LINS1: variants seen among roughly 807,000 people sequenced by gnomAD.
LINS1 encodes protein Lines homolog 1.
In LINS1, 27 loss-of-function variants were observed where a neutral mutation model predicts 41.6. That is an observed-to-expected ratio of 0.65 (90% CI 0.48 to 0.89). The LOEUF (loss-of-function observed/expected upper bound fraction) is 0.89. Ranked by LOEUF, LINS1 falls within the 40% of genes least tolerant of loss-of-function variation. The pLI is 0.00. For missense variants in LINS1, 955 were observed against 884.1 expected, an observed-to-expected ratio of 1.08 and a Z score of -1.02; for synonymous variants, 336 against 312.9, an observed-to-expected ratio of 1.07 and a Z score of -0.78.
chr15:100,590,990 C>T (rs1215225095), intron 1 of LINS1, among the ~76,000 whole-genome samples: 1 of 152,004 alleles, frequency 6.6e-6, no homozygotes. Context: ...ACCAGCCTGG[C>T]CAACATGATA....
intron 1 of LINS1, among the ~76,000 whole-genome samples, chr15:100,598,426 G>A (rs1422806645): frequency 6.6e-6 from 1 of 152,128 alleles, no homozygotes; most frequent in African/African-American, 2.4e-5. Context: ...TAGTATCAAA[G>A]AATTATAAAC....
At position 100,569,769 on chromosome 15, in the gene LINS1, A is replaced by G. The variant is rs1445068661; in HGVS notation, c.1743T>C (p.His581=). The part of the protein sequence containing the change: ...QTIPHRLTAP[H]SHRDVCARHS... ...GCCGAGCACACACATCTCTGTGACT[A>G]TGAGGAGCAGTCAAACGATGGGGTA... The change falls in exon 7 of 7, where the codon CAT becomes CAC. Residue 581 remains histidine (H), a synonymous_variant. Coordinates refer to ENST00000314742, the MANE Select transcript of LINS1 (RefSeq NM_001040616.3). 3.1e-6 allele frequency: 5 copies of G among 1,613,852 alleles called. No individual in the cohort carries two copies. Among genetic ancestry groups the G allele is most frequent in the Non-Finnish European group, 4.2e-6 (5 of 1,179,944 alleles).
chr15:100,584,649 C>T (rs535248505), intron 1 of LINS1, among the ~76,000 whole-genome samples: 17 of 152,226 alleles, frequency 1.1e-4, no homozygotes, highest in African/African-American at 3.9e-4. Context: ...ATGCTTCTGA[C>T]CATAGATATG....
chr15:100,573,097 T>C (rs1431920378), intron 5 of LINS1: 1 of 148,212 alleles, frequency 6.7e-6, no homozygotes, highest in East Asian at 2.0e-4. Flanking sequence ...CATATTTTTC[T>C]TTAATCTCTC....
chr15:100,599,517 CTG>C (rs1212866353), intron 1 of LINS1, among the ~76,000 whole-genome samples: 2 of 152,196 alleles, frequency 1.3e-5, no homozygotes, highest in Non-Finnish European at 2.9e-5. Context: ...GGAGACAACT[CTG>C]TTTCTAGGCT....
At chr15:100,573,601 A>G in intron 5 of LINS1, 50 bp downstream of exon 5, 1 of 1,110,856 alleles carries the variant, frequency 9.0e-7, no homozygotes, top group Non-Finnish European at 1.4e-6. Context: ...GAATTACTGT[A>G]CTTAAGTAAA....
Position 100,580,608 on chromosome 15 carries a change from T to G in LINS1, c.235A>C (p.Asn79His). The G allele has an allele frequency of 6.2e-7, 1 of 1,614,036 alleles. No individual in the cohort carries two copies. The highest frequency in any genetic ancestry group is 1.1e-5 in the South Asian group (1 of 91,078). Residue 79 changes from asparagine to histidine, a missense_variant, in exon 2 of 7, where the codon AAC becomes CAC. Transcript: ENST00000314742. ...TCTCTGGAACCGCTCATCTGAGAGTTGGTCTTCAAACACACAGGTGCTACA... is the reference window on the plus strand; with the variant it reads ...TCTCTGGAACCGCTCATCTGAGAGTGGGTCTTCAAACACACAGGTGCTACA... ...IAVAPVCLKT[N>H]SQMSGSREVM... is the part of the protein sequence containing the mutation.
chr15:100,579,992 G>A (rs1432177567), intron 3 of LINS1, among the ~76,000 whole-genome samples: 1 of 152,110 alleles, frequency 6.6e-6, no homozygotes, highest in Non-Finnish European at 1.5e-5. Flanking sequence ...ATGTTATTAT[G>A]TGAGCAAATG....
chr15:100,580,819 T>G lies in LINS1; in HGVS notation c.24A>C (p.Leu8Phe), dbSNP rs2038506060. The change falls in exon 2 of 7, where the codon TTA (leucine) becomes TTC (phenylalanine). Residue 8 changes from leucine (L) to phenylalanine (F), a missense_variant. Physicochemically the swap from Leu to Phe is conservative, Grantham distance 22. Transcript: ENST00000314742. Reference protein sequence around the residue: MKVFCEVLEELYKKVLLG... With the variant: MKVFCEVFEELYKKVLLG... ...GAAGTACCTTCTTGTATAACTCTTC[T>G]AAAACTTCACAGAAAACTTTCATTT... is the stretch of plus-strand genomic sequence containing the variant. 4 of 1,612,708 alleles carry G rather than the reference T, an allele frequency of 2.5e-6. No homozygotes were observed. The highest frequency in any genetic ancestry group is 3.4e-6 in the Non-Finnish European group (4 of 1,179,312).
intron 1 of LINS1, among the ~76,000 whole-genome samples, chr15:100,581,173 C>T (rs184703468): frequency 2.3e-4 from 35 of 152,292 alleles, no homozygotes; most frequent in African/African-American, 7.2e-4. Context: ...TTTAACGCAG[C>T]AGAAACTTGA....
chr15:100,596,090 G>A (rs1320065423), intron 1 of LINS1, among the ~76,000 whole-genome samples: 11 of 152,240 alleles, frequency 7.2e-5, no homozygotes, highest in Admixed American at 7.2e-4. Context: ...GAGATTTGGA[G>A]TGGGAGGGGC....
At chr15:100,595,117 A>C (rs2039190898) in intron 1 of LINS1, among the ~76,000 whole-genome samples, 1 of 152,190 alleles carries the variant, frequency 6.6e-6, no homozygotes, top group Non-Finnish European at 1.5e-5. Flanking sequence ...TGTAGGAAAA[A>C]TCTTAGGCAT....
At chr15:100,582,103 A>G (rs948856624) in intron 1 of LINS1, among the ~76,000 whole-genome samples, 5 of 152,244 alleles carry the variant, frequency 3.3e-5, no homozygotes, top group Admixed American at 2.6e-4. Flanking sequence ...TTCCATCTAC[A>G]ATATGGCCAC....
At position 100,580,605 on chromosome 15, in the gene LINS1, A is replaced by G. The variant is rs2038484541; in HGVS notation, c.238T>C (p.Ser80Pro). Residue 80 changes from serine to proline, a missense_variant, in exon 2 of 7, where the codon TCT (serine) becomes CCT (proline). Coordinates refer to ENST00000314742, the MANE Select transcript of LINS1 (RefSeq NM_001040616.3). ...AVAPVCLKTNSQMSGSREVML... is the reference protein window; with the variant it reads ...AVAPVCLKTNPQMSGSREVML... ...ACTTCTCTGGAACCGCTCATCTGAG[A>G]GTTGGTCTTCAAACACACAGGTGCT... The G allele has an allele frequency of 6.2e-7, 1 of 1,613,988 alleles. No individual in the cohort carries two copies. The highest frequency in any genetic ancestry group is 8.5e-7 in the Non-Finnish European group (1 of 1,179,954).
rs193139512 is a variant in LINS1, at chr15:100,593,331, C to T, written c.-104+8790G>A. Among the ~76,000 whole-genome samples the T allele has an allele frequency of 2.6e-5, 4 of 152,164 alleles. No homozygotes were observed. In the East Asian group the frequency reaches 7.7e-4, roughly 29 times the overall value. On this transcript the variant is annotated intron_variant, in intron 1 of 6. Coordinates refer to ENST00000314742, the MANE Select transcript of LINS1 (RefSeq NM_001040616.3). ...CCACACCAAGTGGCCTAAGGGTTACCCATATTAAGTATAAAATCTATCTGA... is the reference window on the plus strand; with the variant it reads ...CCACACCAAGTGGCCTAAGGGTTACTCATATTAAGTATAAAATCTATCTGA...
chr15:100,573,967 G>A lies in LINS1; in HGVS notation c.906C>T (p.Phe302=). The A allele has an allele frequency of 6.2e-7, 1 of 1,614,198 alleles. No homozygotes were observed. The highest frequency in any genetic ancestry group is 8.5e-7 in the Non-Finnish European group (1 of 1,180,040). Residue 302 remains phenylalanine, a synonymous_variant, in exon 5 of 7, where the codon TTC becomes TTT. Transcript: ENST00000314742. ...CTTTACAGAGAAGGCACTTTTTGAG[G>A]AATATGATGACCTTCCTTTTAACAA... ...QAFVKRKVII[F]LKKCLLCKVG...
At chr15:100,571,752 A>T (rs2037838032) in intron 6 of LINS1, 142 bp downstream of exon 6, 2 of 976,746 alleles carry the variant, frequency 2.0e-6, no homozygotes, top group African/African-American at 1.6e-5. Context: ...TTTTCATGTA[A>T]GTCAGGGTTA....
intron 3 of LINS1, among the ~76,000 whole-genome samples, chr15:100,578,876 G>A (rs1421574652): frequency 6.6e-6 from 1 of 152,006 alleles, no homozygotes; most frequent in Non-Finnish European, 1.5e-5. Context: ...TCCTTTGTAG[G>A]GACATGGATG....
At chr15:100,583,232 T>C (rs565737070) in intron 1 of LINS1, among the ~76,000 whole-genome samples, 2 of 149,006 alleles carry the variant, frequency 1.3e-5, no homozygotes, top group African/African-American at 5.0e-5. Flanking sequence ...CCATCTACAC[T>C]ATGGCCCACT....
Sources: allele counts gnomAD v4.1 joint callset (sites outside exome capture counted in the v4.1 genomes callset), GRCh38; gene constraint gnomAD v4.1.1; transcripts MANE v1.5; gene names NCBI Gene and HGNC (gene_info 2026-07-23, HGNC 2026-07-21).